The following ZDHHC11B variants were observed in gnomAD, a reference collection of about 807,000 sequenced individuals.
ZDHHC11B encodes the protein probable palmitoyltransferase ZDHHC11B.
ZDHHC11B carries 17 observed loss-of-function variants against 42.3 expected under a neutral mutation model. The observed-to-expected ratio is 0.40, with a 90% CI of 0.27 to 0.60. The LOEUF (loss-of-function observed/expected upper bound fraction) is 0.60. ZDHHC11B is among the 20% of genes least tolerant of loss of function. The pLI is 0.41. For synonymous variants in ZDHHC11B, 123 were observed against 193.5 expected (o/e 0.64, Z 3.02); for missense variants, 262 against 463.2 (o/e 0.57, Z 3.99).
In ZDHHC11B at chr5:752,271, A is replaced by G. The variant is rs369311770; in HGVS notation, c.504-1014T>C. Among the ~76,000 whole-genome samples the G allele has an allele frequency of 4.5e-3, 370 of 81,762 alleles. 4 individuals are homozygous for G. In the East Asian group the frequency reaches 0.12, roughly 27 times the overall value. The allele number at this position is 81,762 out of a possible 152,430, so 53.6% of individuals were successfully genotyped here. Reference sequence around the variant, plus strand: ...GAGGAGGCCCTGGAGGAGCCCGGCCACACCTCGGCTGCAGTCCCCCCTTCT... The same window carrying G: ...GAGGAGGCCCTGGAGGAGCCCGGCCGCACCTCGGCTGCAGTCCCCCCTTCT... On this transcript the variant is annotated intron_variant, in intron 6 of 13. Transcript: ENST00000508859.
chr5:771,163 CCTGGGACT>C (rs1735997266), intron 1 of ZDHHC11B, among the ~76,000 whole-genome samples: 1 of 151,846 alleles, frequency 6.6e-6, no homozygotes, highest in Non-Finnish European at 1.5e-5. Context: ...GTGTCCCAAC[CCTGGGACT>C]CACGAAGCCC....
At chr5:743,938 C>T (rs1744451195) in intron 9 of ZDHHC11B, among the ~76,000 whole-genome samples, 1 of 149,942 alleles carries the variant, frequency 6.7e-6, no homozygotes, top group Admixed American at 6.7e-5. Context: ...GCCGAACCTC[C>T]AAGAGAGGGT....
chr5:733,746 A>G lies in ZDHHC11B; in HGVS notation c.1023+6T>C. On this transcript the variant is annotated splice_donor_region_variant and intron_variant, in intron 11 of 13. Coordinates refer to ENST00000508859, the MANE Select transcript of ZDHHC11B (RefSeq NM_001351303.2). ...TCAGGGTGCATTGCTGGTGACTGCAACTTACCTGTGCCTTCGAATCCCCGT... is the reference window on the plus strand; with the variant it reads ...TCAGGGTGCATTGCTGGTGACTGCAGCTTACCTGTGCCTTCGAATCCCCGT... 6.2e-7 allele frequency: 1 copy of G among 1,609,732 alleles called. No homozygotes were observed. Among genetic ancestry groups the G allele is most frequent in the Admixed American group, 1.7e-5 (1 of 59,908 alleles).
At chr5:760,074 CA>C (rs1734394861) in intron 4 of ZDHHC11B, among the ~76,000 whole-genome samples, 1 of 151,770 alleles carries the variant, frequency 6.6e-6, no homozygotes, top group Admixed American at 6.6e-5. Context: ...GTGGGGGGTA[CA>C]GGGGAGCCAC....
At chr5:753,804 AG>A (rs1746116591) in intron 6 of ZDHHC11B, among the ~76,000 whole-genome samples, 1 of 140,270 alleles carries the variant, frequency 7.1e-6, no homozygotes, top group African/African-American at 2.5e-5. Context: ...GATGGCAGGG[AG>A]GCAGGGCAGG....
intron 10 of ZDHHC11B, among the ~76,000 whole-genome samples, chr5:735,723 C>T (rs1243656323): frequency 6.7e-6 from 1 of 148,830 alleles, no homozygotes; most frequent in Admixed American, 6.8e-5. Flanking sequence ...ACTATGTTTC[C>T]TAAATGAAGT....
intron 1 of ZDHHC11B, among the ~76,000 whole-genome samples, chr5:776,784 C>A (rs1179870571): frequency 6.6e-6 from 1 of 151,924 alleles, no homozygotes; most frequent in Non-Finnish European, 1.5e-5. Flanking sequence ...TTAAACAGGG[C>A]CAAGGAACAA....
At chr5:719,465 A>T (rs546637281) in intron 12 of ZDHHC11B, among the ~76,000 whole-genome samples, 175 of 151,524 alleles carry the variant, frequency 1.2e-3, no homozygotes, top group Non-Finnish European at 2.0e-3. Context: ...GATTAGTAGT[A>T]GAGATAGAAA....
chr5:759,672 C>T (rs1352677484), intron 4 of ZDHHC11B, among the ~76,000 whole-genome samples: 8 of 152,098 alleles, frequency 5.3e-5, no homozygotes, highest in South Asian at 2.1e-4. Context: ...CCCATACACG[C>T]GGCCGCTGGA....
At chr5:721,953 C>A (rs1473103726) in intron 12 of ZDHHC11B, among the ~76,000 whole-genome samples, 1 of 151,690 alleles carries the variant, frequency 6.6e-6, no homozygotes, top group East Asian at 1.9e-4. Flanking sequence ...ACAGAAGAAG[C>A]TTTTTATGCC....
intron 4 of ZDHHC11B, among the ~76,000 whole-genome samples, chr5:762,210 C>T (rs145946378): frequency 1.0e-3 from 73 of 71,350 alleles, no homozygotes; most frequent in Non-Finnish European, 1.4e-3. Flanking sequence ...CTCACAGTCC[C>T]GGCCAGCCAC....
intron 7 of ZDHHC11B, 120 bp from the exon 8 acceptor site, chr5:748,679 A>C: frequency 8.9e-7 from 1 of 1,122,454 alleles, no homozygotes; most frequent in Non-Finnish European, 1.2e-6. Context: ...AGCACGAGGG[A>C]TGCCTCCCTG....
chr5:733,877 C>G lies in ZDHHC11B; in HGVS notation c.936-38G>C, dbSNP rs576076600. On this transcript the variant is annotated intron_variant, in intron 10 of 13. Coordinates refer to ENST00000508859, the MANE Select transcript of ZDHHC11B (RefSeq NM_001351303.2). ...GAAGGAGGAGAGAAACTCATCTCAG[C>G]TTTGTGGGGGGGCTCAGGGTGGCAC... 9 of 1,565,664 alleles carry G rather than the reference C, an allele frequency of 5.7e-6. 1 individual carries two copies. Among genetic ancestry groups the G allele is most frequent in the Non-Finnish European group, 7.9e-6 (9 of 1,145,376 alleles).
intron 1 of ZDHHC11B, among the ~76,000 whole-genome samples, chr5:777,892 C>T (rs1386097719): frequency 6.6e-6 from 1 of 151,550 alleles, no homozygotes; most frequent in African/African-American, 2.4e-5. Flanking sequence ...GAGGCCCCAG[C>T]ACCGAGGGAG....
At chr5:729,839 C>T (rs1184076140) in intron 12 of ZDHHC11B, among the ~76,000 whole-genome samples, 3 of 151,786 alleles carry the variant, frequency 2.0e-5, no homozygotes, top group African/African-American at 7.3e-5. Flanking sequence ...TCCTATTACT[C>T]TATGTTCTGT....
chr5:759,018 C>T (rs1416830916), intron 4 of ZDHHC11B, among the ~76,000 whole-genome samples: 1 of 151,862 alleles, frequency 6.6e-6, no homozygotes, highest in Non-Finnish European at 1.5e-5. Context: ...ACCGTGTTCT[C>T]AATTTTCTCT....
chr5:770,940 C>T (rs1262826540), intron 1 of ZDHHC11B, among the ~76,000 whole-genome samples: 1 of 151,890 alleles, frequency 6.6e-6, no homozygotes, highest in Non-Finnish European at 1.5e-5. Flanking sequence ...GCAGGGCTGC[C>T]GAGGCCACCT....
intron 4 of ZDHHC11B, among the ~76,000 whole-genome samples, chr5:760,486 G>A (rs1210711672): frequency 1.3e-5 from 2 of 151,654 alleles, no homozygotes; most frequent in African/African-American, 2.4e-5. Flanking sequence ...GCCAGCACCC[G>A]ATTCCAGACC....
At chr5:776,671 G>A (rs1413333661) in intron 1 of ZDHHC11B, among the ~76,000 whole-genome samples, 1 of 152,060 alleles carries the variant, frequency 6.6e-6, no homozygotes, top group African/African-American at 2.4e-5. Flanking sequence ...ACAGCGGAAG[G>A]AGTGGACAGA....
Sources: allele counts gnomAD v4.1 joint callset (sites outside exome capture counted in the v4.1 genomes callset), GRCh38; gene constraint gnomAD v4.1.1; transcripts MANE v1.5; gene names NCBI Gene and HGNC (gene_info 2026-07-23, HGNC 2026-07-21).